Variants in ZNF469 observed in about 807,000 individuals in gnomAD.
The protein encoded by ZNF469 is zinc finger protein 469.
Under a neutral mutation model 1.0 loss-of-function variants are expected in ZNF469, and 1 was observed. That is an observed-to-expected ratio of 1.00 (90% CI 0.35 to 4.73). ZNF469 has a LOEUF of 4.73. Among genes scored for constraint, ZNF469 ranks in the 30% most tolerant of loss-of-function variants. The pLI is 0.16. For missense variants in ZNF469, 6,100 were observed against 5,356.3 expected, an observed-to-expected ratio of 1.14 and a Z score of -4.33; for synonymous variants, 2,703 against 2,363.4, an observed-to-expected ratio of 1.14 and a Z score of -4.17.
the ZNF469 span, among the ~76,000 whole-genome samples, chr16:88,269,585 A>C: frequency 6.6e-6 from 1 of 151,966 alleles, no homozygotes; most frequent in Non-Finnish European, 1.5e-5. Flanking sequence ...CCCCGCCTCC[A>C]CCTGGGCTGC....
intron 1 of ZNF469, among the ~76,000 whole-genome samples, chr16:88,392,235 C>T (rs980314613): frequency 6.6e-6 from 1 of 152,286 alleles, no homozygotes; most frequent in Non-Finnish European, 1.5e-5. Flanking sequence ...TGTACCGTGT[C>T]TTGATTCTGG....
At chr16:88,335,781 A>T in the ZNF469 span, among the ~76,000 whole-genome samples, 3 of 152,364 alleles carry the variant, frequency 2.0e-5, no homozygotes, top group African/African-American at 7.2e-5. Flanking sequence ...TAACATGCCA[A>T]TACCACGCAC....
the ZNF469 span, among the ~76,000 whole-genome samples, chr16:88,356,421 T>C: frequency 2.0e-5 from 3 of 152,162 alleles, no homozygotes; most frequent in Non-Finnish European, 4.4e-5. Flanking sequence ...GGGAGGCCTG[T>C]GTTTTAGTAT....
the ZNF469 span, among the ~76,000 whole-genome samples, chr16:88,229,640 T>TGGATGTAACGCGC: frequency 4.8e-5 from 6 of 125,588 alleles, no homozygotes; most frequent in East Asian, 9.6e-4. Context: ...ATGTCACGTG[T>TGGATGTAACGCGC]GTGTGCTGAT....
At chr16:88,309,601 T>G in the ZNF469 span, among the ~76,000 whole-genome samples, 156 of 101,078 alleles carry the variant, frequency 1.5e-3, no homozygotes, top group Middle Eastern at 8.8e-3. Flanking sequence ...CTGGCGGGGG[T>G]AGTGCCCTCT....
chr16:88,188,261 G>C, the ZNF469 span, among the ~76,000 whole-genome samples: 3 of 152,086 alleles, frequency 2.0e-5, no homozygotes, highest in African/African-American at 7.2e-5. Flanking sequence ...GAGCACCACA[G>C]GCTGCTCCCT....
chr16:88,410,435 C>T (rs554303163), intron 1 of ZNF469, among the ~76,000 whole-genome samples: 8 of 147,420 alleles, frequency 5.4e-5, no homozygotes, highest in Admixed American at 3.4e-4. Flanking sequence ...GAGAAGTTCA[C>T]GGTGCAGGTC....
rs973157263 is a variant in ZNF469 at position 88,435,880 on chromosome 16, G to C, written c.8410G>C (p.Glu2804Gln). The C allele has an allele frequency of 2.6e-6, 4 of 1,550,032 alleles. No individual in the cohort carries two copies. Among genetic ancestry groups the C allele is most frequent in the Non-Finnish European group, 3.5e-6 (4 of 1,146,956 alleles). ...CCCCTTGGGCCCCCTGGGTTTTCCC[G>C]AGACTTCCAGCTCTCCGGCGGACAG... ...TPPLGPLGFPETSSSPADSTT... is the reference protein window; with the variant it reads ...TPPLGPLGFPQTSSSPADSTT... The change falls in exon 3 of 3, where the codon GAG becomes CAG. Residue 2804 changes from glutamate to glutamine, a missense_variant. By Grantham distance (29) the Glu-to-Gln change is conservative. Transcript: ENST00000565624.
chr16:88,429,390 C>A lies in ZNF469; in HGVS notation c.1920C>A (p.His640Gln). ...GPSAFFHPPT[H>Q]PQETGSPFPS... ...CGGCCTTCTTCCACCCACCCACTCA[C>A]CCCCAGGAGACGGGCAGCCCCTTCC... Residue 640 changes from histidine (H) to glutamine (Q), a missense_variant, in exon 3 of 3, where the codon CAC (histidine) becomes CAA (glutamine). By Grantham distance (24) the His-to-Gln change is conservative (BLOSUM62 0). Coordinates refer to ENST00000565624, the MANE Select transcript of ZNF469 (RefSeq NM_001367624.2). 6.5e-7 allele frequency: 1 copy of A among 1,548,898 alleles called. No individual in the cohort carries two copies. The highest frequency in any genetic ancestry group is 1.7e-4 in the Middle Eastern group (1 of 5,990).
chr16:88,168,515 T>C, the ZNF469 span, among the ~76,000 whole-genome samples: 1 of 152,124 alleles, frequency 6.6e-6, no homozygotes, highest in South Asian at 2.1e-4. This position sits in a 1 kb window ranked among gnomAD's most constrained non-coding sequence, Gnocchi z 4.3. Context: ...TCGTGTGTGA[T>C]TGTGACCTTG....
upstream of ZNF469, among the ~76,000 whole-genome samples, chr16:88,378,489 T>C (rs138258171): frequency 1.2e-3 from 182 of 152,282 alleles, 1 homozygote; most frequent in Non-Finnish European, 2.0e-3. Flanking sequence ...CACCTCCTGC[T>C]GCACCCAGGA....
At chr16:88,342,874 G>T in the ZNF469 span, among the ~76,000 whole-genome samples, 39 of 152,210 alleles carry the variant, frequency 2.6e-4, no homozygotes, top group Non-Finnish European at 4.6e-4. Flanking sequence ...GTTGCAGGAC[G>T]TCATGTGTAT....
chr16:88,158,824 G>T, the ZNF469 span, among the ~76,000 whole-genome samples: 11 of 151,702 alleles, frequency 7.3e-5, no homozygotes, highest in African/African-American at 2.7e-4. Context: ...GGCAGTGCAG[G>T]GGGGCAGAGC....
rs370915546 is a variant in ZNF469 at position 88,439,278 on chromosome 16, C to T, written c.11808C>T (p.Phe3936=). 5.1e-5 allele frequency: 79 copies of T among 1,550,326 alleles called. No homozygotes were observed. Among genetic ancestry groups the T allele is most frequent in the East Asian group, 1.5e-4 (6 of 40,930 alleles). Residue 3936 remains phenylalanine, a synonymous_variant, in exon 3 of 3, where the codon TTC becomes TTT. Transcript: ENST00000565624. ...EAQSDLLSQL[F]GQRLTGFKIP... ...AGAGTGACCTCCTCAGCCAGCTCTT[C>T]GGGCAGAGACTAACTGGCTTCAAAA...
chr16:88,111,677 A>C, the ZNF469 span, among the ~76,000 whole-genome samples: 1 of 152,148 alleles, frequency 6.6e-6, no homozygotes, highest in East Asian at 1.9e-4. Context: ...TCGCTCTGTC[A>C]CCAGGCTGGA....
At position 88,433,600 on chromosome 16, in the gene ZNF469, G is replaced by A. The variant is rs1567513868; in HGVS notation, c.6130G>A (p.Ala2044Thr). ...GCTAGAGAAATGCAAGGGAAGCAGGGCAGCCATGAGCCTTCAGGAGGAGGC... is the reference window on the plus strand; with the variant it reads ...GCTAGAGAAATGCAAGGGAAGCAGGACAGCCATGAGCCTTCAGGAGGAGGC... ...VLLEKCKGSR[A>T]AMSLQEEAEP... Residue 2044 changes from alanine (A) to threonine (T), a missense_variant, in exon 3 of 3, where the codon GCA (alanine) becomes ACA (threonine). Physicochemically the swap from Ala to Thr is moderately conservative, Grantham distance 58. Transcript: ENST00000565624. 3 of 1,550,340 alleles carry A rather than the reference G, an allele frequency of 1.9e-6. No homozygotes were observed. In the East Asian group the frequency reaches 7.3e-5, roughly 38 times the overall value.
rs1207977491 is a variant in ZNF469 at position 88,435,140 on chromosome 16, G to A, written c.7670G>A (p.Gly2557Asp). 1.3e-6 allele frequency: 2 copies of A among 1,550,232 alleles called. No individual in the cohort carries two copies. Among genetic ancestry groups the A allele is most frequent in the African/African-American group, 2.7e-5 (2 of 73,042 alleles). Residue 2557 changes from glycine to aspartate, a missense_variant, in exon 3 of 3, where the codon GGC becomes GAC. By Grantham distance (94) the Gly-to-Asp change is moderately conservative (BLOSUM62 -1). Coordinates refer to ENST00000565624, the MANE Select transcript of ZNF469 (RefSeq NM_001367624.2). ...SHVTQPPPAQ[G>D]SKEVLRAPGS... ...GTCACCCAGCCACCGCCTGCCCAGG[G>A]CTCAAAGGAGGTTCTCAGAGCACCG...
chr16:88,349,262 G>A, the ZNF469 span, among the ~76,000 whole-genome samples: 396 of 151,866 alleles, frequency 2.6e-3, 4 homozygotes, highest in African/African-American at 8.7e-3. Context: ...AGGGCTGAGC[G>A]AGGCTCTACA....
the ZNF469 span, among the ~76,000 whole-genome samples, chr16:88,174,939 CGTGTGTGT>C: frequency 0.65 from 98,153 of 150,264 alleles, 33,630 homozygotes; most frequent in East Asian, 0.83. Context: ...TAGGGTCAAC[CGTGTGTGT>C]GTGTGTGTGT....
Sources: gnomAD v4.1 joint callset for allele counts (sites outside exome capture counted in the v4.1 genomes callset) on GRCh38, gnomAD v4.1.1 for gene constraint, Gnocchi (gnomAD v3.1) non-coding constraint, MANE v1.5 for transcripts, NCBI Gene and HGNC (gene_info 2026-07-23, HGNC 2026-07-21) for gene names.